The following BABAM2 variants were observed in gnomAD, a reference collection of about 807,000 sequenced individuals.
The protein encoded by BABAM2 is BRISC and BRCA1-A complex member 2.
A neutral mutation model predicts 54.7 loss-of-function variants in BABAM2; 31 were observed. The ratio of observed to expected loss-of-function variants is 0.57; its 90% confidence interval spans 0.43 to 0.77. BABAM2 has a LOEUF of 0.77. BABAM2 is among the 30% of genes least tolerant of loss of function. The pLI, the probability that BABAM2 is intolerant of heterozygous loss-of-function variation, is 0.00. For synonymous variants in BABAM2, 167 were observed against 162.9 expected, an observed-to-expected ratio of 1.03 and a Z score of -0.19; for missense variants, 364 against 455.8, an observed-to-expected ratio of 0.80 and a Z score of 1.83.
chr2:28,172,771 T>C (rs1374448947), intron 7 of BABAM2, among the ~76,000 whole-genome samples: 2 of 152,192 alleles, frequency 1.3e-5, no homozygotes, highest in Admixed American at 6.6e-5. Context: ...ATTCCAAATA[T>C]GCTTTCCGGG....
chr2:28,078,512 GA>G (rs1664883020), intron 6 of BABAM2, among the ~76,000 whole-genome samples: 1 of 152,112 alleles, frequency 6.6e-6, no homozygotes. Flanking sequence ...ATGAAATTAT[GA>G]AGAAGGAAAA....
intron 5 of BABAM2, among the ~76,000 whole-genome samples, chr2:28,035,063 A>G (rs1393957014): frequency 1.3e-5 from 2 of 152,186 alleles, no homozygotes; most frequent in Admixed American, 1.3e-4. Flanking sequence ...AGTTTGAAGA[A>G]TTAGTACAAA....
intron 3 of BABAM2, among the ~76,000 whole-genome samples, chr2:27,953,912 G>A (rs1395984273): frequency 6.6e-6 from 1 of 152,166 alleles, no homozygotes; most frequent in East Asian, 1.9e-4. Context: ...TAAGAGAGAT[G>A]GGTGGGAATA....
intron 5 of BABAM2, among the ~76,000 whole-genome samples, chr2:28,037,372 G>A (rs755536532): frequency 1.3e-5 from 2 of 151,980 alleles, no homozygotes; most frequent in Non-Finnish European, 2.9e-5. Context: ...GATTTTTTCT[G>A]TATAAACATA....
chr2:28,009,228 T>A (rs1004271385), intron 4 of BABAM2, among the ~76,000 whole-genome samples: 4 of 152,130 alleles, frequency 2.6e-5, no homozygotes, highest in African/African-American at 9.7e-5. Flanking sequence ...GCATACTTAA[T>A]CAGTGTATCA....
At chr2:28,050,728 A>G (rs7567655) in intron 6 of BABAM2, among the ~76,000 whole-genome samples, 10,492 of 152,228 alleles carry the variant, frequency 0.069, 553 homozygotes, top group African/African-American at 0.15. Flanking sequence ...AAAAGAATAA[A>G]ATTGTTATGG....
At chr2:28,192,711 A>G (rs1489799764) in intron 7 of BABAM2, among the ~76,000 whole-genome samples, 1 of 151,186 alleles carries the variant, frequency 6.6e-6, no homozygotes, top group Non-Finnish European at 1.5e-5. Context: ...TTTAGTAGAG[A>G]TGGGGTTTCA....
chr2:27,903,579 C>G (rs1018766406), intron 2 of BABAM2, among the ~76,000 whole-genome samples: 4 of 152,114 alleles, frequency 2.6e-5, no homozygotes, highest in Non-Finnish European at 4.4e-5. Context: ...ACTAGTCCCC[C>G]CTTCTCATTA....
In BABAM2 at chr2:28,178,943, A is replaced by G. The variant is rs573448272; in HGVS notation, c.680+49563A>G. On this transcript the variant is annotated intron_variant, in intron 7 of 11. Coordinates refer to ENST00000379624, the MANE Select transcript of BABAM2 (RefSeq NM_199191.3). ...ATACCTACCAAGATTGAATCAGGAA[A>G]AAACAGAAAACCTGAACAGATGAAT... 9.9e-5 allele frequency among the ~76,000 whole-genome samples: 15 copies of G among 152,220 alleles called. No individual in the cohort carries two copies. In the East Asian group the frequency reaches 2.5e-3, roughly 25 times the overall value.
chr2:28,177,597 A>G (rs887650040), intron 7 of BABAM2, among the ~76,000 whole-genome samples: 2 of 152,148 alleles, frequency 1.3e-5, no homozygotes, highest in African/African-American at 4.8e-5. Context: ...CAAAATAGCC[A>G]GAAAACGATT....
At chr2:28,040,362 G>A (rs1449603898) in intron 5 of BABAM2, among the ~76,000 whole-genome samples, 5 of 135,998 alleles carry the variant, frequency 3.7e-5, no homozygotes, top group South Asian at 2.6e-4. Context: ...GTGCAGTGGC[G>A]GGATCTCGGC....
intron 2 of BABAM2, among the ~76,000 whole-genome samples, chr2:27,919,067 C>T (rs557675893): frequency 2.6e-5 from 4 of 152,252 alleles, no homozygotes; most frequent in African/African-American, 9.6e-5. Flanking sequence ...TTAATAATAG[C>T]TTTCTGCATA....
chr2:28,018,673 G>A (rs949447952), intron 4 of BABAM2, among the ~76,000 whole-genome samples: 3 of 151,962 alleles, frequency 2.0e-5, no homozygotes, highest in African/African-American at 7.3e-5. Flanking sequence ...CACGCCATCT[G>A]TTATTTTTTG....
intron 7 of BABAM2, among the ~76,000 whole-genome samples, chr2:28,135,506 C>A (rs925926350): frequency 1.4e-4 from 21 of 152,098 alleles, no homozygotes; most frequent in African/African-American, 5.1e-4. Context: ...GTGGATGACA[C>A]CCAGATCCCC....
rs573699913 is a variant in BABAM2 at position 27,968,100 on chromosome 2, T to C, written c.206-19893T>C. On this transcript the variant is annotated intron_variant, in intron 3 of 11. Coordinates refer to ENST00000379624, the MANE Select transcript of BABAM2 (RefSeq NM_199191.3). ...AGCCGAATGTTGATCCTCAAGACAG[T>C]AGGGAAAATGTCTCCAGGGCAGGTC... 2.5e-4 allele frequency among the ~76,000 whole-genome samples: 38 copies of C among 152,294 alleles called. No individual in the cohort carries two copies. In the South Asian group the frequency reaches 7.9e-3, roughly 32 times the overall value.
chr2:28,283,351 C>A (rs950089015), intron 10 of BABAM2, among the ~76,000 whole-genome samples: 1 of 152,170 alleles, frequency 6.6e-6, no homozygotes, highest in Non-Finnish European at 1.5e-5. Flanking sequence ...TCTGTTATGA[C>A]AAGACTCAGA....
At chr2:28,000,712 T>C (rs1222466773) in intron 4 of BABAM2, among the ~76,000 whole-genome samples, 1 of 152,186 alleles carries the variant, frequency 6.6e-6, no homozygotes, top group Non-Finnish European at 1.5e-5. Context: ...ATTTATTCAA[T>C]CATTTATTTG....
chr2:28,227,110 C>G (rs147636064), intron 7 of BABAM2, among the ~76,000 whole-genome samples: 17 of 152,222 alleles, frequency 1.1e-4, no homozygotes, highest in African/African-American at 4.1e-4. Flanking sequence ...AGCAGTGAAC[C>G]TGGCTGAGAT....
intron 6 of BABAM2, among the ~76,000 whole-genome samples, chr2:28,065,657 A>T (rs1663458356): frequency 1.3e-5 from 2 of 152,216 alleles, no homozygotes; most frequent in Admixed American, 1.3e-4. Flanking sequence ...TTTATTTTGC[A>T]ATAAAAACAT....
Sources: allele counts gnomAD v4.1 joint callset (sites outside exome capture counted in the v4.1 genomes callset), GRCh38; gene constraint gnomAD v4.1.1; transcripts MANE v1.5; gene names NCBI Gene and HGNC (gene_info 2026-07-23, HGNC 2026-07-21).